Variants in RORB observed in about 807,000 individuals in gnomAD.
RORB encodes the protein RAR related orphan receptor B.
Under a neutral mutation model 59.1 loss-of-function variants are expected in RORB, and 6 were observed. The ratio of observed to expected loss-of-function variants is 0.10; its 90% CI spans 0.06 to 0.20. The LOEUF (loss-of-function observed/expected upper bound fraction) is 0.20. Ranked by LOEUF, RORB falls within the 10% of genes least tolerant of loss-of-function variation. The pLI is 1.00. For synonymous variants in RORB, 215 were observed against 204.5 expected (o/e 1.05, Z -0.44); for missense variants, 320 against 560.5 (o/e 0.57, Z 4.33).
chr9:74,509,790 G>A (rs1449712405), intron 1 of RORB, among the ~76,000 whole-genome samples: 1 of 151,952 alleles, frequency 6.6e-6, no homozygotes, highest in Non-Finnish European at 1.5e-5. Flanking sequence ...AGCATAAGAT[G>A]TTTTCTTAAG....
chr9:74,567,102 A>T (rs1822480790), intron 1 of RORB, among the ~76,000 whole-genome samples: 1 of 151,020 alleles, frequency 6.6e-6, no homozygotes. Flanking sequence ...ATCTCGGCTC[A>T]CTACAACCTC....
chr9:74,649,460 C>A (rs1823956448), intron 4 of RORB, among the ~76,000 whole-genome samples: 1 of 152,120 alleles, frequency 6.6e-6, no homozygotes, highest in South Asian at 2.1e-4. Context: ...ATTCCTAGGA[C>A]CTCTACCATG....
chr9:74,599,613 T>A (rs1366072183), intron 1 of RORB, among the ~76,000 whole-genome samples: 3 of 152,172 alleles, frequency 2.0e-5, no homozygotes, highest in Non-Finnish European at 4.4e-5. Flanking sequence ...GCTAAAATGT[T>A]TACAAAACTT....
chr9:74,581,641 T>G (rs375109608), intron 1 of RORB, among the ~76,000 whole-genome samples: 1 of 152,166 alleles, frequency 6.6e-6, no homozygotes, highest in East Asian at 1.9e-4. Flanking sequence ...TAAATCTTCC[T>G]CTTTAAATCT....
chr9:74,633,770 A>G (rs750631504), intron 2 of RORB, among the ~76,000 whole-genome samples: 3 of 152,202 alleles, frequency 2.0e-5, no homozygotes, highest in African/African-American at 4.8e-5. Context: ...ACCCAAATGT[A>G]CTTGCATGAA....
chr9:74,607,033 A>C (rs563054808), intron 1 of RORB, among the ~76,000 whole-genome samples: 23 of 152,286 alleles, frequency 1.5e-4, no homozygotes, highest in African/African-American at 5.3e-4. Flanking sequence ...CCATGCACTA[A>C]TATATAATAA....
In RORB at chr9:74,630,415, G is replaced by C. The variant is rs1439549407; in HGVS notation, c.93+48G>C. 4 of 1,409,712 alleles carry C rather than the reference G, an allele frequency of 2.8e-6. No homozygotes were observed. The South Asian group carries it at 5.3e-5, about 19-fold the overall frequency. The allele number at this position is 1,409,712 out of a possible 1,614,324, so 87.3% of individuals were successfully genotyped here. ...GGTTCTGTATTTGCCTCAGGCATCT[G>C]TGTACCTCACAAGATGCGGTGACAC... On this transcript the variant is annotated intron_variant, in intron 2 of 9. Transcript: ENST00000376896.
Position 74,684,373 on chromosome 9 carries a change from A to AC in RORB, c.1225-1090_1225-1089insC, listed in dbSNP as rs1390293900. On this transcript the variant is annotated intron_variant, in intron 9 of 9. Transcript: ENST00000376896. The stretch of plus-strand genomic sequence containing the variant: ...GTTTTGTTTAACTGTATTTTTCATC[A>AC]ATTTCAAGTGTGTCTTTAGTCAGCC... 2.0e-5 allele frequency among the ~76,000 whole-genome samples: 3 copies of AC among 152,220 alleles called. No homozygotes were observed. In the East Asian group the frequency reaches 5.8e-4, roughly 29 times the overall value.
intron 1 of RORB, among the ~76,000 whole-genome samples, chr9:74,556,395 G>A (rs1822290851): frequency 6.6e-6 from 1 of 152,166 alleles, no homozygotes; most frequent in Admixed American, 6.5e-5. Context: ...CTTTTAAAAT[G>A]TGGCATAAAT....
chr9:74,591,226 T>C (rs1475130638), intron 1 of RORB, among the ~76,000 whole-genome samples: 1 of 152,228 alleles, frequency 6.6e-6, no homozygotes, highest in Non-Finnish European at 1.5e-5. Flanking sequence ...AGGACCTTAG[T>C]GTAGACTGAA....
At chr9:74,684,103 G>A (rs747761902) in intron 9 of RORB, among the ~76,000 whole-genome samples, 1 of 152,116 alleles carries the variant, frequency 6.6e-6, no homozygotes, top group Non-Finnish European at 1.5e-5. Flanking sequence ...TTCTTTACAC[G>A]TTCTAGATCC....
chr9:74,644,456 C>G (rs759049783), intron 4 of RORB, among the ~76,000 whole-genome samples: 11 of 152,068 alleles, frequency 7.2e-5, no homozygotes, highest in Non-Finnish European at 1.5e-4. Flanking sequence ...ATGCTGAAAC[C>G]GAAGCTTAGA....
intron 4 of RORB, among the ~76,000 whole-genome samples, chr9:74,647,561 C>T (rs7855875): frequency 0.95 from 144,627 of 152,308 alleles, 69,170 homozygotes; most frequent in East Asian, 1. Flanking sequence ...TGTGAATTAA[C>T]TGATCCCTTC....
Position 74,661,636 on chromosome 9 carries a change from CTTTTTT to C in RORB, c.760-817_760-812del, listed in dbSNP as rs779927558. ...CCTTTTTCCTCGGAATTCTTTTTTCCTTTTTTTTTTTTTTTTTTTTTTTTTTGAGAC... is the reference window on the plus strand; with the variant it reads ...CCTTTTTCCTCGGAATTCTTTTTTCCTTTTTTTTTTTTTTTTTTTTGAGAC... On this transcript the variant is annotated intron_variant, in intron 5 of 9. Coordinates refer to ENST00000376896, the MANE Select transcript of RORB (RefSeq NM_006914.4). Among the ~76,000 whole-genome samples, 51 of 79,604 alleles carry C rather than the reference CTTTTTT, an allele frequency of 6.4e-4. No homozygotes were observed. In the South Asian group the frequency reaches 0.017, roughly 27 times the overall value. 52.2% of individuals were successfully genotyped at this position (79,604 alleles called of 152,430 possible). A position where few individuals can be genotyped will look rare whatever the true frequency, so the allele number is the denominator to read the frequency against.
intron 1 of RORB, among the ~76,000 whole-genome samples, chr9:74,620,133 G>T (rs374984861): frequency 6.6e-6 from 1 of 152,112 alleles, no homozygotes. Context: ...GCTCCTTTTT[G>T]TACCTCTGGT....
chr9:74,629,054 T>G (rs1823571259), intron 1 of RORB, among the ~76,000 whole-genome samples: 1 of 152,156 alleles, frequency 6.6e-6, no homozygotes, highest in South Asian at 2.1e-4. Context: ...GCCTCTTGGC[T>G]AGGAAACTAG....
At chr9:74,676,426 C>T (rs1824442217) in intron 9 of RORB, among the ~76,000 whole-genome samples, 1 of 152,246 alleles carries the variant, frequency 6.6e-6, no homozygotes, top group Admixed American at 6.5e-5. Context: ...CCCTCAGAGG[C>T]AAAGCCCACT....
chr9:74,611,196 A>T (rs758337418), intron 1 of RORB, among the ~76,000 whole-genome samples: 1 of 152,128 alleles, frequency 6.6e-6, no homozygotes, highest in African/African-American at 2.4e-5. Context: ...GGGAGAAATC[A>T]ACTCCCCCTT....
chr9:74,617,535 G>C (rs140303576), intron 1 of RORB, among the ~76,000 whole-genome samples: 2 of 152,228 alleles, frequency 1.3e-5, no homozygotes, highest in East Asian at 1.9e-4. Flanking sequence ...AAGATATCTC[G>C]GGTCCCATAA....
Sources: gnomAD v4.1 joint callset for allele counts (sites outside exome capture counted in the v4.1 genomes callset) on GRCh38, gnomAD v4.1.1 for gene constraint, MANE v1.5 for transcripts, NCBI Gene and HGNC (gene_info 2026-07-23, HGNC 2026-07-21) for gene names.